FUT8: variants seen among roughly 807,000 people sequenced by gnomAD.
The protein encoded by FUT8 is alpha-(1,6)-fucosyltransferase.
FUT8 carries 29 observed loss-of-function variants against 71.3 expected under a neutral mutation model. The observed-to-expected ratio is 0.41, with a 90% CI of 0.30 to 0.55. The LOEUF (loss-of-function observed/expected upper bound fraction) is 0.55. Among genes scored for constraint, FUT8 ranks in the 20% least tolerant of loss-of-function variants. FUT8 has a pLI of 0.34. For missense variants in FUT8, 544 were observed against 702.1 expected (o/e 0.77, Z 2.55); for synonymous variants, 254 against 239.3 (o/e 1.06, Z -0.57).
At chr14:65,430,538 G>A (rs2065457370) in intron 1 of FUT8, among the ~76,000 whole-genome samples, 1 of 152,072 alleles carries the variant, frequency 6.6e-6, no homozygotes, top group African/African-American at 2.4e-5. Context: ...AGTCATAATA[G>A]TAAATGAGCA....
Position 65,489,098 on chromosome 14 carries a change from A to T in FUT8, c.-228+33380A>T, listed in dbSNP as rs558928586. Among the ~76,000 whole-genome samples, 2 of 152,332 alleles carry T rather than the reference A, an allele frequency of 1.3e-5. No homozygotes were observed. The highest frequency in any genetic ancestry group is 4.8e-5 in the African/African-American group (2 of 41,586). On this transcript the variant is annotated intron_variant, in intron 2 of 10. Coordinates refer to ENST00000673929, the MANE Select transcript of FUT8 (RefSeq NM_001371533.1). The surrounding 1 kb of genome is among the most constrained non-coding windows in gnomAD (Gnocchi z 4.0). ...TGTAGTATTAAGTATTTTTCCATCA[A>T]TGATTAGAAAGTTATGATTTTTTGT... is the stretch of plus-strand genomic sequence containing the variant.
intron 9 of FUT8, among the ~76,000 whole-genome samples, chr14:65,730,288 G>T (rs983351482): frequency 5.3e-5 from 8 of 152,114 alleles, no homozygotes; most frequent in Non-Finnish European, 8.8e-5. Flanking sequence ...TTTGAAAAGG[G>T]GTTAAAATTA....
At chr14:65,365,960 C>G in the FUT8 span, among the ~76,000 whole-genome samples, 1 of 152,120 alleles carries the variant, frequency 6.6e-6, no homozygotes, top group Non-Finnish European at 1.5e-5. Flanking sequence ...GCCTCAGCCT[C>G]CTGAGTAGCT....
At chr14:65,543,252 A>G (rs1285844996) in intron 2 of FUT8, among the ~76,000 whole-genome samples, 3 of 152,264 alleles carry the variant, frequency 2.0e-5, no homozygotes, top group African/African-American at 7.2e-5. Flanking sequence ...GCACGTAAAT[A>G]TAAATGAGTA....
At position 65,550,688 on chromosome 14, in the gene FUT8, A is replaced by G. The variant is rs972482832; in HGVS notation, c.-227-10649A>G. ...CATTTTTTCTTTTAAATCCTAGCAC[A>G]TATTTCGATACTTGTTTCAGCGCTC... On this transcript the variant is annotated intron_variant, in intron 2 of 10. Transcript: ENST00000673929. The surrounding 1 kb of genome is among the most constrained non-coding windows in gnomAD (Gnocchi z 4.5). Among the ~76,000 whole-genome samples the G allele has an allele frequency of 8.5e-5, 13 of 152,064 alleles. No homozygotes were observed. Among genetic ancestry groups the G allele is most frequent in the African/African-American group, 3.1e-4 (13 of 41,408 alleles).
chr14:65,649,908 T>C (rs1242508612), intron 6 of FUT8, among the ~76,000 whole-genome samples: 1 of 152,172 alleles, frequency 6.6e-6, no homozygotes, highest in African/African-American at 2.4e-5. Flanking sequence ...TGAGAATATA[T>C]TGGGCTTAAA....
intron 4 of FUT8, 37 bp downstream of exon 4, chr14:65,616,130 A>C: frequency 6.2e-7 from 1 of 1,603,570 alleles, no homozygotes; most frequent in Non-Finnish European, 8.5e-7. Flanking sequence ...TCCTCAGTAT[A>C]TGGGCTTTAG....
chr14:65,619,214 T>A (rs1259234261), intron 5 of FUT8, among the ~76,000 whole-genome samples: 3 of 152,182 alleles, frequency 2.0e-5, no homozygotes, highest in African/African-American at 7.2e-5. Context: ...TGCTGGTTTT[T>A]GAGAACTACA....
intron 7 of FUT8, among the ~76,000 whole-genome samples, chr14:65,680,496 A>G (rs992282115): frequency 2.0e-5 from 3 of 152,192 alleles, no homozygotes; most frequent in African/African-American, 7.2e-5. Flanking sequence ...AAAATCAATC[A>G]GTAATATATG....
chr14:65,482,322 TTGTC>T (rs1231038657), intron 2 of FUT8, among the ~76,000 whole-genome samples: 2 of 152,082 alleles, frequency 1.3e-5, no homozygotes, highest in Non-Finnish European at 2.9e-5. Context: ...ACTGACCTCT[TTGTC>T]TTTCTTTTTT....
the FUT8 span, among the ~76,000 whole-genome samples, chr14:65,383,265 C>CTTTTTTTTCTTTTTTTTTTTTTTTTTT: frequency 2.3e-5 from 2 of 86,510 alleles, no homozygotes; most frequent in African/African-American, 8.1e-5. Context: ...TTTTTCTTTT[C>CTTTTTTTTCTTTTTTTTTTTTTTTTTT]TTTTTTTTTT....
At chr14:65,636,024 A>G (rs747877830) in intron 6 of FUT8, among the ~76,000 whole-genome samples, 16 of 149,838 alleles carry the variant, frequency 1.1e-4, no homozygotes, top group South Asian at 2.1e-4. Flanking sequence ...GTTGCTTGTT[A>G]TTGTTCTGTT....
At chr14:65,482,058 A>G (rs1413425599) in intron 2 of FUT8, among the ~76,000 whole-genome samples, 1 of 152,148 alleles carries the variant, frequency 6.6e-6, no homozygotes, top group Non-Finnish European at 1.5e-5. Context: ...TTATGTATCT[A>G]AGATATATTT....
chr14:65,727,281 C>T (rs1441896093), intron 9 of FUT8, among the ~76,000 whole-genome samples: 1 of 152,198 alleles, frequency 6.6e-6, no homozygotes, highest in Non-Finnish European at 1.5e-5. Flanking sequence ...TTTTGCTTCT[C>T]TACTGCCCTA....
At chr14:65,378,846 T>TTTTG in the FUT8 span, among the ~76,000 whole-genome samples, 3 of 134,334 alleles carry the variant, frequency 2.2e-5, no homozygotes, top group Non-Finnish European at 4.8e-5. Flanking sequence ...GGTTTTTTTT[T>TTTTG]TTTTTTTTTT....
At chr14:65,443,721 A>T (rs1378778432) in intron 1 of FUT8, among the ~76,000 whole-genome samples, 1 of 144,924 alleles carries the variant, frequency 6.9e-6, no homozygotes, top group Admixed American at 6.8e-5. Context: ...CCTCTAATAA[A>T]AAAAAAAAAA....
chr14:65,738,633 C>T (rs186999066), intron 10 of FUT8, among the ~76,000 whole-genome samples: 29 of 152,086 alleles, frequency 1.9e-4, no homozygotes, highest in Admixed American at 1.3e-3. Context: ...TGAGTATGGA[C>T]GTCAGCTGCA....
At chr14:65,703,529 G>A (rs1440400435) in intron 7 of FUT8, among the ~76,000 whole-genome samples, 5 of 152,310 alleles carry the variant, frequency 3.3e-5, no homozygotes, top group African/African-American at 9.6e-5. Context: ...TTTACACAGC[G>A]CAAAAGGAAG....
chr14:65,388,092 G>C, the FUT8 span, among the ~76,000 whole-genome samples: 6 of 152,152 alleles, frequency 3.9e-5, no homozygotes, highest in African/African-American at 1.2e-4. Context: ...GTAAGCACAG[G>C]AGTATCTTTA....
Sources: allele counts gnomAD v4.1 joint callset (sites outside exome capture counted in the v4.1 genomes callset), GRCh38; gene constraint gnomAD v4.1.1; non-coding constraint Gnocchi (gnomAD v3.1); transcripts MANE v1.5; gene names NCBI Gene and HGNC (gene_info 2026-07-23, HGNC 2026-07-21).